The following GRID2 variants were observed in gnomAD, a reference collection of about 807,000 sequenced individuals.
GRID2 encodes glutamate ionotropic receptor delta type subunit 2.
A neutral mutation model predicts 114.8 loss-of-function variants in GRID2; 33 were observed. The observed-to-expected ratio is 0.29, with a 90% CI of 0.22 to 0.38. The LOEUF is 0.38. Ranked by LOEUF, GRID2 falls within the 10% of genes least tolerant of loss-of-function variation. GRID2 has a pLI of 1.00. For synonymous variants in GRID2, 505 were observed against 449.9 expected (o/e 1.12, Z -1.55); for missense variants, 1,184 against 1,257.7 (o/e 0.94, Z 0.89).
chr4:93,777,362 C>T (rs373341213), downstream of GRID2, among the ~76,000 whole-genome samples: 35 of 152,282 alleles, frequency 2.3e-4, no homozygotes, highest in Middle Eastern at 6.8e-3. Context: ...AAATTGTTCA[C>T]ATTTGAGAAT....
intron 2 of GRID2, among the ~76,000 whole-genome samples, chr4:92,672,616 G>T (rs1382736124): frequency 2.6e-5 from 4 of 151,872 alleles, no homozygotes; most frequent in Non-Finnish European, 5.9e-5. Context: ...GTACTTATTG[G>T]CATGGATGTA....
At chr4:92,604,546 G>A (rs7658675) in intron 2 of GRID2, among the ~76,000 whole-genome samples, 3 of 151,994 alleles carry the variant, frequency 2.0e-5, no homozygotes, top group African/African-American at 7.2e-5. Context: ...GTTATGGAGA[G>A]AGAAAGCATC....
intron 2 of GRID2, among the ~76,000 whole-genome samples, chr4:92,939,997 C>T (rs376113920): frequency 1.2e-4 from 18 of 147,006 alleles, no homozygotes; most frequent in African/African-American, 3.2e-4. Context: ...AGTCAGGTAG[C>T]GTGATGCCTC....
chr4:92,999,711 A>G (rs1325542832), intron 2 of GRID2, among the ~76,000 whole-genome samples: 1 of 151,584 alleles, frequency 6.6e-6, no homozygotes, highest in East Asian at 1.9e-4. Flanking sequence ...ATCTCTGATC[A>G]CAGCTTCTTT....
rs1318049282 is a variant in GRID2, at chr4:93,792,528, TTGGC to T, written c.222-14186_222-14183del. Among the ~76,000 whole-genome samples the T allele has an allele frequency of 2.6e-5, 4 of 152,172 alleles. No individual in the cohort carries two copies. In the East Asian group the frequency reaches 7.7e-4, roughly 29 times the overall value. On this transcript the variant is annotated intron_variant, in intron 1 of 1. Coordinates refer to the GRID2 transcript ENST00000637838. ...TCACCTACATTAGGCCAATTTTGCA[TTGGC>T]CTAACTCAGTTTTGCTTCTCCTTCA...
At chr4:93,611,863 G>A (rs573300169) in intron 13 of GRID2, among the ~76,000 whole-genome samples, 3 of 151,798 alleles carry the variant, frequency 2.0e-5, no homozygotes, top group African/African-American at 4.8e-5. Flanking sequence ...CAATTCCTGG[G>A]TATCCTTGTT....
chr4:93,143,614 G>A (rs1250812772), intron 4 of GRID2, among the ~76,000 whole-genome samples: 1 of 152,072 alleles, frequency 6.6e-6, no homozygotes, highest in African/African-American at 2.4e-5. Context: ...TTCCACTTTA[G>A]AATAGTATAT....
chr4:93,051,394 C>T (rs1332334283), intron 2 of GRID2, among the ~76,000 whole-genome samples: 1 of 151,988 alleles, frequency 6.6e-6, no homozygotes, highest in Non-Finnish European at 1.5e-5. Flanking sequence ...TCCCTCTGTC[C>T]CCCTTTGCCA....
At chr4:92,330,460 C>G (rs1726824943) in intron 1 of GRID2, among the ~76,000 whole-genome samples, 1 of 152,148 alleles carries the variant, frequency 6.6e-6, no homozygotes, top group South Asian at 2.1e-4. Context: ...TACAGATTAC[C>G]TCTACATGTT....
intron 13 of GRID2, among the ~76,000 whole-genome samples, chr4:93,548,212 T>G (rs1158166889): frequency 6.6e-6 from 1 of 152,034 alleles, no homozygotes; most frequent in Non-Finnish European, 1.5e-5. Context: ...AAAGCTCTCT[T>G]CATTTTAAAT....
chr4:92,745,160 C>T (rs932151981), intron 2 of GRID2, among the ~76,000 whole-genome samples: 3 of 152,130 alleles, frequency 2.0e-5, no homozygotes, highest in Non-Finnish European at 1.5e-5. Flanking sequence ...AGTCTGACAG[C>T]ACAGATATAT....
intron 8 of GRID2, among the ~76,000 whole-genome samples, chr4:93,310,940 A>G (rs553832149): frequency 6.6e-6 from 1 of 152,328 alleles, no homozygotes; most frequent in Admixed American, 6.5e-5. Flanking sequence ...AACAAACAAG[A>G]CAACTGTGGT....
intron 2 of GRID2, among the ~76,000 whole-genome samples, chr4:93,017,338 G>T (rs1223007324): frequency 6.6e-6 from 1 of 152,084 alleles, no homozygotes; most frequent in Non-Finnish European, 1.5e-5. Context: ...AGTTGACAGG[G>T]TAGCCTTTTT....
chr4:93,035,592 T>G (rs1482528995), intron 2 of GRID2, among the ~76,000 whole-genome samples: 1 of 152,142 alleles, frequency 6.6e-6, no homozygotes, highest in Admixed American at 6.6e-5. Context: ...AAGGCCATAA[T>G]GAAGATATAA....
At chr4:93,350,046 A>G (rs1760645641) in intron 8 of GRID2, among the ~76,000 whole-genome samples, 1 of 152,048 alleles carries the variant, frequency 6.6e-6, no homozygotes, top group Non-Finnish European at 1.5e-5. Flanking sequence ...TGCTCAGAAC[A>G]TTTTACATCT....
At chr4:92,774,896 G>C (rs1379211108) in intron 2 of GRID2, among the ~76,000 whole-genome samples, 6 of 151,970 alleles carry the variant, frequency 3.9e-5, no homozygotes, top group Non-Finnish European at 5.9e-5. Context: ...AAATACTTTA[G>C]TTTGATTTGA....
At chr4:93,628,220 T>C (rs1742903759) in intron 14 of GRID2, among the ~76,000 whole-genome samples, 1 of 151,932 alleles carries the variant, frequency 6.6e-6, no homozygotes, top group Admixed American at 6.6e-5. Context: ...AGGAACAAAC[T>C]ACAAAAATCA....
At chr4:93,324,617 G>T (rs1299705416) in intron 8 of GRID2, among the ~76,000 whole-genome samples, 1 of 152,116 alleles carries the variant, frequency 6.6e-6, no homozygotes, top group East Asian at 1.9e-4. Flanking sequence ...AATGGTACCA[G>T]CTCCTCTTTG....
At chr4:93,489,024 A>G (rs1176538154) in intron 11 of GRID2, among the ~76,000 whole-genome samples, 1 of 152,044 alleles carries the variant, frequency 6.6e-6, no homozygotes, top group African/African-American at 2.4e-5. Flanking sequence ...GCACATATTC[A>G]TTCAAAAAAA....
Sources: allele counts gnomAD v4.1 joint callset (sites outside exome capture counted in the v4.1 genomes callset), GRCh38; gene constraint gnomAD v4.1.1; transcripts MANE v1.5; gene names NCBI Gene and HGNC (gene_info 2026-07-23, HGNC 2026-07-21).